BMAL2: variants seen among roughly 807,000 people sequenced by gnomAD.
The protein encoded by BMAL2 is basic helix-loop-helix ARNT-like protein 2.
chr12:27,335,466 C>T, the BMAL2 span, among the ~76,000 whole-genome samples: 1 of 152,128 alleles, frequency 6.6e-6, no homozygotes, highest in Admixed American at 6.5e-5. Flanking sequence ...GTTTTCTTAC[C>T]AGCTCATGTT....
the BMAL2 span, among the ~76,000 whole-genome samples, chr12:27,361,426 G>C: frequency 6.6e-6 from 1 of 152,034 alleles, no homozygotes; most frequent in East Asian, 1.9e-4. Context: ...CGATATCTTC[G>C]TTTAACCTAA....
At chr12:27,381,397 TC>T in the BMAL2 span, among the ~76,000 whole-genome samples, 1 of 152,158 alleles carries the variant, frequency 6.6e-6, no homozygotes, top group Non-Finnish European at 1.5e-5. Flanking sequence ...CATGGTGGCT[TC>T]TGCTTCTGGG....
the BMAL2 span, among the ~76,000 whole-genome samples, chr12:27,420,019 G>GCACACACACACACACACA: frequency 4.1e-5 from 6 of 147,478 alleles, no homozygotes; most frequent in South Asian, 4.3e-4. Context: ...GTTTGCGCGT[G>GCACACACACACACACACA]CACACACACA....
the BMAL2 span, among the ~76,000 whole-genome samples, chr12:27,373,977 A>T: frequency 6.6e-6 from 1 of 152,232 alleles, no homozygotes; most frequent in Non-Finnish European, 1.5e-5. Context: ...GATTTGTGCT[A>T]CAAACAAAGA....
the BMAL2 span, among the ~76,000 whole-genome samples, chr12:27,409,840 A>G: frequency 1.3e-5 from 2 of 152,282 alleles, no homozygotes; most frequent in African/African-American, 4.8e-5. Context: ...TTTGCAATCT[A>G]CTCATCGGAC....
the BMAL2 span, chr12:27,333,184 G>T: frequency 8.4e-7 from 1 of 1,184,408 alleles, no homozygotes; most frequent in Non-Finnish European, 1.0e-6. Context: ...GCGACGCCAG[G>T]TCTGCCCCCG....
the BMAL2 span, among the ~76,000 whole-genome samples, chr12:27,373,445 G>A: frequency 6.6e-6 from 1 of 152,308 alleles, no homozygotes; most frequent in East Asian, 1.9e-4. Flanking sequence ...GCCTGGCCTG[G>A]AGTTAGAGAC....
At chr12:27,371,731 C>T in the BMAL2 span, among the ~76,000 whole-genome samples, 8 of 55,416 alleles carry the variant, frequency 1.4e-4, no homozygotes, top group Admixed American at 6.6e-4. Flanking sequence ...CACACACACA[C>T]ATATATATAT....
chr12:27,359,172 T>C, the BMAL2 span, among the ~76,000 whole-genome samples: 4 of 152,166 alleles, frequency 2.6e-5, no homozygotes, highest in East Asian at 1.9e-4. Flanking sequence ...AGAAAAATGA[T>C]ATAAATGAAA....
At chr12:27,373,241 T>G in the BMAL2 span, among the ~76,000 whole-genome samples, 1 of 152,132 alleles carries the variant, frequency 6.6e-6, no homozygotes, top group Non-Finnish European at 1.5e-5. Context: ...TAGGACTTCA[T>G]GATTGTTCAC....
chr12:27,333,485 G>A, the BMAL2 span, among the ~76,000 whole-genome samples: 1 of 152,266 alleles, frequency 6.6e-6, no homozygotes, highest in Non-Finnish European at 1.5e-5. Context: ...CGTCGGCATG[G>A]CATGCACTGC....
chr12:27,406,452 GA>G, the BMAL2 span, among the ~76,000 whole-genome samples: 1 of 152,164 alleles, frequency 6.6e-6, no homozygotes, highest in Non-Finnish European at 1.5e-5. Context: ...CATTGTTAAA[GA>G]AAAGAATTTT....
chr12:27,405,669 G>C, the BMAL2 span, among the ~76,000 whole-genome samples: 3 of 152,102 alleles, frequency 2.0e-5, no homozygotes, highest in East Asian at 5.8e-4. Context: ...AGAAAAACTG[G>C]AAACTCTAAA....
At chr12:27,400,499 G>T in the BMAL2 span, 1 of 1,492,370 alleles carries the variant, frequency 6.7e-7, no homozygotes, top group Non-Finnish European at 9.0e-7. Context: ...TATTTATAAT[G>T]ATCCAAATGT....
At chr12:27,375,720 A>G in the BMAL2 span, among the ~76,000 whole-genome samples, 2 of 152,246 alleles carry the variant, frequency 1.3e-5, no homozygotes, top group South Asian at 4.1e-4. Flanking sequence ...TTTAAAAGCT[A>G]TGCAGCCTGC....
chr12:27,370,315 C>T, the BMAL2 span: 1 of 972,008 alleles, frequency 1.0e-6, no homozygotes, highest in South Asian at 1.4e-5. Context: ...ACACGTCCCA[C>T]TGATTTGCTC....
chr12:27,345,824 T>C, the BMAL2 span, among the ~76,000 whole-genome samples: 57 of 152,328 alleles, frequency 3.7e-4, no homozygotes, highest in African/African-American at 1.3e-3. Context: ...TTTGTTCTTT[T>C]TCCCCTCTAT....
the BMAL2 span, among the ~76,000 whole-genome samples, chr12:27,356,583 A>G: frequency 1.3e-5 from 2 of 152,232 alleles, no homozygotes; most frequent in African/African-American, 2.4e-5. Context: ...AAAGTTTGGA[A>G]CAATATAGGG....
chr12:27,416,577 C>G, the BMAL2 span, among the ~76,000 whole-genome samples: 1 of 152,100 alleles, frequency 6.6e-6, no homozygotes. Context: ...ACAAAAAGCT[C>G]TAAAGCAGGT....
Sources: gnomAD v4.1 joint callset for allele counts (sites outside exome capture counted in the v4.1 genomes callset) on GRCh38, gnomAD v4.1.1 for gene constraint, MANE v1.5 for transcripts, NCBI Gene and HGNC (gene_info 2026-07-23, HGNC 2026-07-21) for gene names.